IQGAP2: variants seen among roughly 807,000 people sequenced by gnomAD.
The protein encoded by IQGAP2 is IQ motif containing GTPase activating protein 2.
Under a neutral mutation model 201.3 loss-of-function variants are expected in IQGAP2, and 173 were observed. That is an observed-to-expected ratio of 0.86 (90% CI 0.76 to 0.98). The LOEUF is 0.98. Ranked by LOEUF, IQGAP2 falls within the 50% of genes least tolerant of loss-of-function variation. The pLI, the probability that IQGAP2 is intolerant of heterozygous loss-of-function variation, is 0.00. For synonymous variants in IQGAP2, 675 were observed against 673.9 expected (o/e 1.00, Z -0.03); for missense variants, 1,687 against 1,864.8 (o/e 0.90, Z 1.76).
chr5:76,637,151 C>T lies in IQGAP2; in HGVS notation c.1898C>T (p.Ser633Leu). Residue 633 changes from serine to leucine, a missense_variant, in exon 16 of 36, where the codon TCA (serine) becomes TTA (leucine). Transcript: ENST00000274364. ...CCTGAATCATGCTTGTATAAAGAAT[C>T]ATGGCTCACAGGAAAAGAAATCGAG... ...VTPESCLYKE[S>L]WLTGKEIEDI... 1 of 1,607,810 alleles carries T rather than the reference C, an allele frequency of 6.2e-7. No individual in the cohort carries two copies. The highest frequency in any genetic ancestry group is 8.5e-7 in the Non-Finnish European group (1 of 1,177,314).
At position 76,507,754 on chromosome 5, in the gene IQGAP2, G is replaced by A. The variant is rs182689069; in HGVS notation, c.146+46085G>A. ...GGGCCAGGCACGGTGGCTCACGCCT[G>A]TAATTCCAGCACTTTGGGAGGCTGA... On this transcript the variant is annotated intron_variant, in intron 2 of 35. Coordinates refer to ENST00000274364, the MANE Select transcript of IQGAP2 (RefSeq NM_006633.5). Among the ~76,000 whole-genome samples the A allele has an allele frequency of 4.6e-5, 7 of 152,340 alleles. No individual in the cohort carries two copies. The East Asian group carries it at 1.3e-3, about 29-fold the overall frequency.
chr5:76,552,980 T>G (rs1201251800), intron 2 of IQGAP2, among the ~76,000 whole-genome samples: 3 of 152,234 alleles, frequency 2.0e-5, no homozygotes, highest in African/African-American at 7.2e-5. Context: ...AAGAAAATAA[T>G]TAGCCTTTCA....
chr5:76,704,931 T>A (rs1747742494), intron 35 of IQGAP2, among the ~76,000 whole-genome samples: 1 of 152,188 alleles, frequency 6.6e-6, no homozygotes, highest in African/African-American at 2.4e-5. Flanking sequence ...GCTCTATGTC[T>A]CTTGGTTATC....
At chr5:76,577,807 C>G (rs573954985) in intron 5 of IQGAP2, among the ~76,000 whole-genome samples, 11 of 152,174 alleles carry the variant, frequency 7.2e-5, no homozygotes, top group Non-Finnish European at 1.2e-4. Context: ...TGGAAATGAA[C>G]TAACATGTCT....
In IQGAP2 at chr5:76,707,365, T is replaced by C. The variant is rs768607794; in HGVS notation, c.*52T>C. On this transcript the variant is annotated 3_prime_UTR_variant, in exon 36 of 36. Coordinates refer to ENST00000274364, the MANE Select transcript of IQGAP2 (RefSeq NM_006633.5). ...TGTATCATCTGGATTAGGAAATGAATTTGTTTAATATTTTTGTTTTTAAAC... is the reference window on the plus strand; with the variant it reads ...TGTATCATCTGGATTAGGAAATGAACTTGTTTAATATTTTTGTTTTTAAAC... The C allele has an allele frequency of 2.4e-6, 2 of 836,704 alleles. No homozygotes were observed. Among genetic ancestry groups the C allele is most frequent in the Admixed American group, 4.2e-5 (2 of 47,498 alleles). The allele number at this position is 836,704 out of a possible 1,614,324, so 51.8% of individuals were successfully genotyped here.
In IQGAP2 at chr5:76,505,521, C is replaced by T. The variant is rs1227649256; in HGVS notation, c.146+43852C>T. Among the ~76,000 whole-genome samples, 4 of 152,212 alleles carry T rather than the reference C, an allele frequency of 2.6e-5. No homozygotes were observed. In the East Asian group the frequency reaches 5.8e-4, roughly 22 times the overall value. ...ATTAGGGAGACATTGAGGAGACTTG[C>T]ATTTTACCGATGCTAATTTCCTTAG... On this transcript the variant is annotated intron_variant, in intron 2 of 35. Transcript: ENST00000274364.
chr5:76,539,147 C>G (rs939895650), intron 2 of IQGAP2, among the ~76,000 whole-genome samples: 10 of 152,218 alleles, frequency 6.6e-5, no homozygotes, highest in African/African-American at 2.4e-4. Context: ...TGCCTGGCAG[C>G]CCAAGGGCTC....
At position 76,674,157 on chromosome 5, in the gene IQGAP2, C is replaced by T. The variant is rs1580787508; in HGVS notation, c.3294+121C>T. On this transcript the variant is annotated intron_variant, in intron 26 of 35. Transcript: ENST00000274364. ...TTATTTATAATAAGCTGCAGGTCTT[C>T]TGTTTCTAATGACTCTCAAGATAAT... The T allele has an allele frequency of 1.2e-5, 8 of 653,916 alleles. No homozygotes were observed. In the East Asian group the frequency reaches 2.1e-4, roughly 17 times the overall value. The allele number at this position is 653,916 out of a possible 1,614,324, so 40.5% of individuals were successfully genotyped here. A position where few individuals can be genotyped will look rare whatever the true frequency, so the allele number is the denominator to read the frequency against.
intron 2 of IQGAP2, among the ~76,000 whole-genome samples, chr5:76,477,991 A>T (rs1755546611): frequency 6.6e-6 from 1 of 150,826 alleles, no homozygotes; most frequent in South Asian, 2.1e-4. Flanking sequence ...TGAGTCAAAA[A>T]GTTAAAATTC....
intron 2 of IQGAP2, among the ~76,000 whole-genome samples, chr5:76,483,601 G>C (rs1055476448): frequency 6.6e-6 from 1 of 152,138 alleles, no homozygotes; most frequent in Admixed American, 6.5e-5. Context: ...GGGTGTTTTC[G>C]AGTCAAGCAC....
chr5:76,491,512 C>G (rs1328594300), intron 2 of IQGAP2, among the ~76,000 whole-genome samples: 4 of 151,820 alleles, frequency 2.6e-5, no homozygotes, highest in Non-Finnish European at 4.4e-5. Context: ...CTATATTTTC[C>G]AGGCTGGTCT....
chr5:76,562,350 T>C (rs779683917), intron 2 of IQGAP2, 46 bp from the exon 3 acceptor site: 1 of 1,449,378 alleles, frequency 6.9e-7, no homozygotes. Context: ...TTGCAGAAAG[T>C]TACCCAACTG....
At chr5:76,530,285 G>T (rs547285384) in intron 2 of IQGAP2, among the ~76,000 whole-genome samples, 6 of 152,184 alleles carry the variant, frequency 3.9e-5, no homozygotes, top group African/African-American at 1.4e-4. Flanking sequence ...CCCACAGGCT[G>T]TATGTGCCAA....
intron 17 of IQGAP2, among the ~76,000 whole-genome samples, chr5:76,650,393 C>T (rs889863685): frequency 6.6e-6 from 1 of 152,104 alleles, no homozygotes; most frequent in Non-Finnish European, 1.5e-5. Flanking sequence ...GGTATGTATA[C>T]CCTTTCTCTT....
In IQGAP2 at chr5:76,606,429, T is replaced by C. The variant is rs1244985306; in HGVS notation, c.1357+126T>C. 5 of 610,510 alleles carry C rather than the reference T, an allele frequency of 8.2e-6. No individual in the cohort carries two copies. In the East Asian group the frequency reaches 8.9e-5, roughly 11 times the overall value. 37.8% of individuals were successfully genotyped at this position (610,510 alleles called of 1,614,324 possible). On this transcript the variant is annotated intron_variant, in intron 12 of 35. Coordinates refer to ENST00000274364, the MANE Select transcript of IQGAP2 (RefSeq NM_006633.5). ...TTTGTGAGAGCAAACTCCGCTAATATGCATACCTTTATTTATAGGTAGATT... is the reference window on the plus strand; with the variant it reads ...TTTGTGAGAGCAAACTCCGCTAATACGCATACCTTTATTTATAGGTAGATT...
intron 2 of IQGAP2, among the ~76,000 whole-genome samples, chr5:76,549,298 A>G (rs1183760689): frequency 6.7e-6 from 1 of 149,816 alleles, no homozygotes; most frequent in Non-Finnish European, 1.5e-5. Flanking sequence ...GCTTTGGTTC[A>G]GTCTCAGGCG....
chr5:76,445,149 AC>A (rs1394728253), intron 1 of IQGAP2, among the ~76,000 whole-genome samples: 1 of 152,054 alleles, frequency 6.6e-6, no homozygotes, highest in African/African-American at 2.4e-5. Flanking sequence ...AGCATCTGTT[AC>A]CATTTCTACA....
chr5:76,496,924 T>C (rs1267423047), intron 2 of IQGAP2, among the ~76,000 whole-genome samples: 3 of 151,748 alleles, frequency 2.0e-5, no homozygotes, highest in African/African-American at 7.3e-5. Context: ...CTGCCTCCTG[T>C]GTTCAAGCGA....
At chr5:76,651,198 G>A (rs1752490434) in intron 17 of IQGAP2, among the ~76,000 whole-genome samples, 1 of 152,156 alleles carries the variant, frequency 6.6e-6, no homozygotes, top group African/African-American at 2.4e-5. Flanking sequence ...ATGGAAATTT[G>A]CTCTGCCTCT....
Sources: gnomAD v4.1 joint callset for allele counts (sites outside exome capture counted in the v4.1 genomes callset) on GRCh38, gnomAD v4.1.1 for gene constraint, MANE v1.5 for transcripts, NCBI Gene and HGNC (gene_info 2026-07-23, HGNC 2026-07-21) for gene names.